Variants in CFAP47 observed in about 807,000 individuals in gnomAD.
CFAP47 encodes the protein cilia and flagella associated protein 47, also known as cilia- and flagella-associated protein 47.
Under a neutral mutation model 148.1 loss-of-function variants are expected in CFAP47, and 29 were observed. That is an observed-to-expected ratio of 0.20 (90% CI 0.15 to 0.27). CFAP47 has a LOEUF of 0.27. CFAP47 is among the 10% of genes least tolerant of loss of function. CFAP47 has a pLI of 1.00. For synonymous variants in CFAP47, 664 were observed against 577.3 expected (o/e 1.15, Z -2.15); for missense variants, 1,872 against 1,697.5 (o/e 1.10, Z -1.81).
At chrX:36,132,477 C>G (rs748907130) in intron 33 of CFAP47, among the ~76,000 whole-genome samples, 3 of 111,682 alleles carry the variant, frequency 2.7e-5, no homozygotes, top group Non-Finnish European at 5.7e-5. Context: ...CAACAAGCTT[C>G]CATTTGATGT....
At chrX:36,177,595 A>G (rs184493304) in intron 39 of CFAP47, among the ~76,000 whole-genome samples, 34 of 112,302 alleles carry the variant, frequency 3.0e-4, no homozygotes, top group Middle Eastern at 4.7e-3. Context: ...AAGATGTTTC[A>G]CAAAGTTCAC....
chrX:36,104,945 A>C (rs776850836), intron 33 of CFAP47, among the ~76,000 whole-genome samples: 3 of 112,046 alleles, frequency 2.7e-5, no homozygotes, highest in Non-Finnish European at 5.6e-5. Context: ...ATATGGAGGA[A>C]CTCTAGAATG....
At chrX:36,109,810 G>A (rs112077921) in intron 33 of CFAP47, among the ~76,000 whole-genome samples, 21 of 111,722 alleles carry the variant, frequency 1.9e-4, no homozygotes, top group Non-Finnish European at 2.6e-4. Flanking sequence ...ATTCTGACTC[G>A]TGTGAGATGG....
intron 29 of CFAP47, among the ~76,000 whole-genome samples, chrX:36,082,341 T>C (rs140685062): frequency 0.017 from 1,845 of 111,492 alleles, 46 homozygotes; most frequent in African/African-American, 0.057. Context: ...TATTATTTCT[T>C]TTTTGCTCTT....
chrX:36,020,960 C>T (rs1601934842), intron 22 of CFAP47, among the ~76,000 whole-genome samples: 1 of 111,215 alleles, frequency 9.0e-6, no homozygotes, highest in Non-Finnish European at 1.9e-5. Context: ...TTTAGTCTCT[C>T]ACTTTTTATG....
chrX:36,012,737 C>T lies in CFAP47; in HGVS notation c.3418-2037C>T, dbSNP rs192149449. Among the ~76,000 whole-genome samples the T allele has an allele frequency of 2.6e-4, 29 of 111,229 alleles. 2 individuals carry two copies. The highest frequency in any genetic ancestry group is 1.4e-3 in the East Asian group (5 of 3,503). On this transcript the variant is annotated intron_variant, in intron 21 of 63. Coordinates refer to ENST00000378653, the MANE Select transcript of CFAP47 (RefSeq NM_001304548.2). Reference sequence around the variant, plus strand: ...CATGCGGGGCTTAAAACCTAGATGACGGGTTGTTAGGTGCAGCAAACCACC... The same window carrying T: ...CATGCGGGGCTTAAAACCTAGATGATGGGTTGTTAGGTGCAGCAAACCACC...
intron 22 of CFAP47, among the ~76,000 whole-genome samples, chrX:36,029,700 T>C (rs1336069631): frequency 9.1e-6 from 1 of 110,228 alleles, no homozygotes; most frequent in African/African-American, 3.3e-5. Flanking sequence ...TTACTATTGG[T>C]TGGATTTTAT....
At chrX:36,044,181 C>T (rs150300361) in intron 25 of CFAP47, among the ~76,000 whole-genome samples, 1,854 of 113,294 alleles carry the variant, frequency 0.016, 45 homozygotes, top group African/African-American at 0.056. Context: ...CCATTTTTCC[C>T]TCCTAGGCCT....
At chrX:36,123,396 A>T (rs1032088741) in intron 33 of CFAP47, among the ~76,000 whole-genome samples, 2 of 112,047 alleles carry the variant, frequency 1.8e-5, no homozygotes, top group African/African-American at 6.5e-5. Flanking sequence ...CCAGGTCCCA[A>T]GTGTGTCCAG....
chrX:35,985,758 C>T (rs1260052271), intron 15 of CFAP47, among the ~76,000 whole-genome samples: 1 of 111,392 alleles, frequency 9.0e-6, no homozygotes, highest in East Asian at 2.9e-4. Context: ...AATAGTTACC[C>T]AAAGGCTAAA....
At chrX:36,014,154 A>G (rs911616301) in intron 21 of CFAP47, among the ~76,000 whole-genome samples, 2 of 111,870 alleles carry the variant, frequency 1.8e-5, no homozygotes, top group South Asian at 7.3e-4. Flanking sequence ...TTCAATTTGC[A>G]TTTCCTTAGT....
Position 36,067,321 on chromosome X carries a change from C to T in CFAP47, c.4318+1578C>T, listed in dbSNP as rs767785297. ...CATAGGCACCCCCAAAACAACATAA[C>T]CCAAACTGAAGTCATCTCTCTGACA... On this transcript the variant is annotated intron_variant, in intron 27 of 63. Coordinates refer to ENST00000378653, the MANE Select transcript of CFAP47 (RefSeq NM_001304548.2). Among the ~76,000 whole-genome samples the T allele has an allele frequency of 2.7e-5, 3 of 111,427 alleles. No individual in the cohort carries two copies. In the South Asian group the frequency reaches 1.1e-3, roughly 42 times the overall value.
At chrX:36,095,600 A>C (rs958850444) in intron 30 of CFAP47, among the ~76,000 whole-genome samples, 7 of 111,196 alleles carry the variant, frequency 6.3e-5, no homozygotes, top group African/African-American at 2.3e-4. Context: ...TCTTCCTGTT[A>C]CAGTCTTGGT....
In CFAP47 at chrX:36,163,512, C is replaced by A. The variant is rs184529910; in HGVS notation, c.6026+2743C>A. Among the ~76,000 whole-genome samples, 164 of 107,913 alleles carry A rather than the reference C, an allele frequency of 1.5e-3. 1 individual carries two copies. Among genetic ancestry groups the A allele is most frequent in the African/African-American group, 5.2e-3 (158 of 30,109 alleles). 93.7% of individuals were successfully genotyped at this position (107,913 alleles called of 115,157 possible). ...AGATTATTATTATGAGATTTTTTTTCATATAGGCATTTTTATCTACATATT... is the reference window on the plus strand; with the variant it reads ...AGATTATTATTATGAGATTTTTTTTAATATAGGCATTTTTATCTACATATT... On this transcript the variant is annotated intron_variant, in intron 39 of 63. Transcript: ENST00000378653.
At chrX:36,035,666 T>G (rs1937329510) in intron 23 of CFAP47, 29 bp from the exon 24 acceptor site, 1 of 290,750 alleles carries the variant, frequency 3.4e-6, no homozygotes, top group African/African-American at 2.8e-5. Flanking sequence ...AATTTTAAAC[T>G]TTTTTTGTCT....
At chrX:36,250,269 G>T (rs1940675177) in intron 48 of CFAP47, among the ~76,000 whole-genome samples, 1 of 111,313 alleles carries the variant, frequency 9.0e-6, no homozygotes, top group Non-Finnish European at 1.9e-5. Flanking sequence ...TGACATGGAT[G>T]AACCTGGAAG....
rs1942112602 is a variant in CFAP47 at position 36,384,840 on chromosome X, C to T, written c.9398C>T (p.Pro3133Leu). The change falls in exon 64 of 64, where the codon CCA (proline) becomes CTA (leucine). Residue 3133 changes from proline (P) to leucine (L), a missense_variant. Transcript: ENST00000378653. Reference sequence around the variant, plus strand: ...AAGTATGAGATCAATGGATTAACTCCAACTACCGTGCCACCAAAAAATGCA... The same window carrying T: ...AAGTATGAGATCAATGGATTAACTCTAACTACCGTGCCACCAAAAAATGCA... ...YWKYEINGLT[P>L]TTVPPKNAKA... 4.3e-6 allele frequency: 5 copies of T among 1,166,428 alleles called. No individual in the cohort carries two copies. Among genetic ancestry groups the T allele is most frequent in the Non-Finnish European group, 5.7e-6 (5 of 872,077 alleles).
intron 37 of CFAP47, 45 bp from the exon 38 acceptor site, chrX:36,159,381 G>A (rs1425616992): frequency 3.4e-6 from 1 of 293,809 alleles, no homozygotes; most frequent in African/African-American, 2.7e-5. Flanking sequence ...CTTGTAAGTT[G>A]TCTTTTTTGT....
chrX:36,250,316 G>T (rs782460504), intron 48 of CFAP47, among the ~76,000 whole-genome samples: 8 of 111,169 alleles, frequency 7.2e-5, no homozygotes, highest in Non-Finnish European at 1.1e-4. Flanking sequence ...GCACAGAAAA[G>T]CAAATATTGC....
Sources: gnomAD v4.1 joint callset for allele counts (sites outside exome capture counted in the v4.1 genomes callset) on GRCh38, gnomAD v4.1.1 for gene constraint, MANE v1.5 for transcripts, NCBI Gene and HGNC (gene_info 2026-07-23, HGNC 2026-07-21) for gene names.